The following CFAP54 variants were observed in gnomAD, a reference collection of about 807,000 sequenced individuals.
The protein encoded by CFAP54 is cilia- and flagella-associated protein 54.
A neutral mutation model predicts 370.4 loss-of-function variants in CFAP54; 290 were observed. The observed-to-expected ratio is 0.78, with a 90% confidence interval of 0.71 to 0.86. The LOEUF is 0.86. Ranked by LOEUF, CFAP54 falls within the 40% of genes least tolerant of loss-of-function variation. The pLI is 0.00. For synonymous variants in CFAP54, 1,206 were observed against 1,236.5 expected (o/e 0.98, Z 0.52); for missense variants, 3,399 against 3,528.7 (o/e 0.96, Z 0.93).
intron 66 of CFAP54, among the ~76,000 whole-genome samples, chr12:96,829,531 G>A (rs181005913): frequency 6.6e-6 from 1 of 151,972 alleles, no homozygotes; most frequent in Admixed American, 6.6e-5. Context: ...CTGCATAATG[G>A]TTTCTTTTAC....
intron 63 of CFAP54, among the ~76,000 whole-genome samples, chr12:96,806,187 TATATATATATATATATATATATATATAA>T (rs1191154255): frequency 1.2e-5 from 1 of 85,266 alleles, no homozygotes; most frequent in African/African-American, 4.3e-5. Context: ...TATATATATA[TATATATATATATATATATATATATATAA>T]TAACAACATA....
intron 39 of CFAP54, 121 bp downstream of exon 39, chr12:96,664,053 G>A (rs1048046688): frequency 2.7e-6 from 2 of 750,692 alleles, no homozygotes; most frequent in Non-Finnish European, 4.4e-6. Flanking sequence ...AGGTTTAGTT[G>A]ACTAAAAATA....
intron 4 of CFAP54, among the ~76,000 whole-genome samples, chr12:96,512,205 TTGAG>T (rs1955176798): frequency 1.3e-5 from 2 of 149,916 alleles, no homozygotes; most frequent in African/African-American, 5.0e-5. Flanking sequence ...AGTTTCCTTG[TTGAG>T]TATTTTGCCA....
chr12:96,703,335 C>T (rs891428428), intron 46 of CFAP54, among the ~76,000 whole-genome samples: 8 of 152,122 alleles, frequency 5.3e-5, no homozygotes, highest in African/African-American at 1.9e-4. Flanking sequence ...TTCTGTTCTT[C>T]TTTGGTAAGG....
At chr12:96,497,995 C>T (rs1457624586) in intron 1 of CFAP54, among the ~76,000 whole-genome samples, 5 of 152,276 alleles carry the variant, frequency 3.3e-5, no homozygotes, top group East Asian at 3.9e-4. Flanking sequence ...CCTTCCTGTG[C>T]GAGATCCAAG....
chr12:96,837,173 G>A (rs113013249), intron 66 of CFAP54, among the ~76,000 whole-genome samples: 1,545 of 152,226 alleles, frequency 0.01, 28 homozygotes, highest in African/African-American at 0.034. Context: ...ACCACATGCT[G>A]GTTACTGAAA....
intron 38 of CFAP54, among the ~76,000 whole-genome samples, chr12:96,659,049 C>T (rs1956958600): frequency 6.6e-6 from 1 of 151,366 alleles, no homozygotes; most frequent in Non-Finnish European, 1.5e-5. Flanking sequence ...AACAGAGTTT[C>T]ACTCTTGTTG....
chr12:96,754,037 G>GT (rs1258130877), intron 56 of CFAP54, 139 bp downstream of exon 56: 67 of 687,602 alleles, frequency 9.7e-5, no homozygotes, highest in Non-Finnish European at 1.2e-4. Context: ...TAACACAATG[G>GT]TACCTCCACC....
intron 66 of CFAP54, among the ~76,000 whole-genome samples, chr12:96,860,481 C>T (rs1427924299): frequency 6.6e-6 from 1 of 152,130 alleles, no homozygotes; most frequent in Non-Finnish European, 1.5e-5. Context: ...ACTTATGCTC[C>T]AAATGAGAGA....
intron 22 of CFAP54, among the ~76,000 whole-genome samples, chr12:96,586,148 G>A (rs1279343448): frequency 6.6e-6 from 1 of 152,134 alleles, no homozygotes; most frequent in African/African-American, 2.4e-5. Context: ...GTGCACATAG[G>A]AATGACTTGG....
chr12:96,727,193 C>T lies in CFAP54; in HGVS notation c.6965+6628C>T, dbSNP rs1424944358. 1.7e-4 allele frequency among the ~76,000 whole-genome samples: 26 copies of T among 151,462 alleles called. No homozygotes were observed. The South Asian group carries it at 3.8e-3, about 22-fold the overall frequency. Reference sequence around the variant, plus strand: ...GAGTTCTGTAGATGTCTATTAGGTCCGCTTGGTGCAGAGCTGAGTTCAATT... The same window carrying T: ...GAGTTCTGTAGATGTCTATTAGGTCTGCTTGGTGCAGAGCTGAGTTCAATT... On this transcript the variant is annotated intron_variant, in intron 50 of 67. Coordinates refer to ENST00000524981, the MANE Select transcript of CFAP54 (RefSeq NM_001306084.2).
chr12:96,735,944 A>C (rs1335045491), intron 50 of CFAP54, among the ~76,000 whole-genome samples: 1 of 152,220 alleles, frequency 6.6e-6, no homozygotes, highest in African/African-American at 2.4e-5. Context: ...GACACAAAAC[A>C]AAGGAAAAAG....
At chr12:96,579,923 A>G (rs1241183338) in intron 20 of CFAP54, among the ~76,000 whole-genome samples, 7 of 151,800 alleles carry the variant, frequency 4.6e-5, no homozygotes, top group Non-Finnish European at 4.4e-5. Flanking sequence ...TCAAAGTAAT[A>G]TCATGTTTCA....
intron 36 of CFAP54, among the ~76,000 whole-genome samples, chr12:96,652,836 G>A (rs1956877088): frequency 6.6e-6 from 1 of 152,252 alleles, no homozygotes; most frequent in African/African-American, 2.4e-5. Flanking sequence ...TAAAAAAGCC[G>A]ATGAGTCTAT....
chr12:96,680,424 A>T (rs957536557), intron 40 of CFAP54, among the ~76,000 whole-genome samples: 1 of 152,216 alleles, frequency 6.6e-6, no homozygotes, highest in African/African-American at 2.4e-5. Flanking sequence ...TAAAATTTTT[A>T]AAAATCCTGT....
At chr12:96,627,955 G>A (rs568499344) in intron 30 of CFAP54, among the ~76,000 whole-genome samples, 19 of 152,312 alleles carry the variant, frequency 1.2e-4, no homozygotes, top group Non-Finnish European at 2.2e-4. Flanking sequence ...TATTTATACT[G>A]TACTTTTTCC....
At chr12:96,651,927 C>T (rs1944560389) in intron 36 of CFAP54, 112 bp downstream of exon 36, 1 of 690,068 alleles carries the variant, frequency 1.4e-6, no homozygotes, top group Non-Finnish European at 2.4e-6. Flanking sequence ...GGTTTGTCTA[C>T]ATTTCATTTG....
chr12:96,825,948 T>C (rs1445136287), intron 65 of CFAP54, among the ~76,000 whole-genome samples: 1 of 141,702 alleles, frequency 7.1e-6, no homozygotes, highest in African/African-American at 2.6e-5. Context: ...AGTACATTAA[T>C]ATATAAATTA....
chr12:96,766,891 C>A (rs971521), intron 60 of CFAP54, among the ~76,000 whole-genome samples: 36,042 of 152,124 alleles, frequency 0.24, 4,481 homozygotes, highest in South Asian at 0.29. Context: ...GGAACTCATT[C>A]TTCCACTCAG....
Sources: allele counts gnomAD v4.1 joint callset (sites outside exome capture counted in the v4.1 genomes callset), GRCh38; gene constraint gnomAD v4.1.1; transcripts MANE v1.5; gene names NCBI Gene and HGNC (gene_info 2026-07-23, HGNC 2026-07-21).